Variants in TEKT5 observed in about 807,000 individuals in gnomAD.
TEKT5 encodes tektin-5.
A neutral mutation model predicts 48.7 loss-of-function variants in TEKT5; 52 were observed. That is an observed-to-expected ratio of 1.07 (90% CI 0.86 to 1.35). The LOEUF (loss-of-function observed/expected upper bound fraction) is 1.35. Ranked by LOEUF, TEKT5 falls within the 40% of genes most tolerant of loss-of-function variation. The pLI is 0.00. For missense variants in TEKT5, 831 were observed against 641.6 expected, an observed-to-expected ratio of 1.30 and a Z score of -3.19; for synonymous variants, 318 against 267.6, an observed-to-expected ratio of 1.19 and a Z score of -1.84.
chr16:10,649,640 T>A (rs1298209328), intron 5 of TEKT5, among the ~76,000 whole-genome samples: 2 of 151,970 alleles, frequency 1.3e-5, no homozygotes, highest in African/African-American at 4.8e-5. Context: ...CTCCCCAAGT[T>A]GCCCAGGCTA....
chr16:10,691,287 T>C lies in TEKT5; in HGVS notation c.565-1262A>G, dbSNP rs539762984. On this transcript the variant is annotated intron_variant, in intron 1 of 6. Transcript: ENST00000283025. Reference sequence around the variant, plus strand: ...AACTAATGAGCCAAAATCATGCCACTGCACTCCAGCCTGAGCAACAGACAA... The same window carrying C: ...AACTAATGAGCCAAAATCATGCCACCGCACTCCAGCCTGAGCAACAGACAA... The C allele has an allele frequency of 2.0e-5, 3 of 152,466 alleles. No homozygotes were observed. The South Asian group carries it at 6.2e-4, about 32-fold the overall frequency. The allele number at this position is 152,466 out of a possible 1,614,324, so 9.4% of individuals were successfully genotyped here. A position where few individuals can be genotyped will look rare whatever the true frequency, so the allele number is the denominator to read the frequency against.
intron 5 of TEKT5, among the ~76,000 whole-genome samples, chr16:10,666,050 C>T (rs530592792): frequency 6.6e-6 from 1 of 152,234 alleles, no homozygotes; most frequent in East Asian, 1.9e-4. Flanking sequence ...CCAGCCTGGC[C>T]AACATGGTGA....
chr16:10,682,519 G>T (rs1198864542), intron 3 of TEKT5, among the ~76,000 whole-genome samples: 2 of 152,100 alleles, frequency 1.3e-5, no homozygotes, highest in Non-Finnish European at 2.9e-5. Flanking sequence ...TTGTAGACAT[G>T]GTCTTGCTGT....
At chr16:10,692,692 T>A (rs2719733) in intron 1 of TEKT5, 19,646 of 152,208 alleles carry the variant, frequency 0.13, 1,393 homozygotes, top group African/African-American at 0.18. Context: ...CATTCCCTGA[T>A]AAAAAGCAAT....
chr16:10,694,916 G>A lies in TEKT5; in HGVS notation c.-43C>T. ...ACTCGGGCAAAACTCAGCTCAAGGA[G>A]CCAAAGGCATCACCAGGAAAGGTGA... On this transcript the variant is annotated 5_prime_UTR_variant, in exon 1 of 7. Transcript: ENST00000283025. The A allele has an allele frequency of 6.7e-7, 1 of 1,501,982 alleles. No individual in the cohort carries two copies. Among genetic ancestry groups the A allele is most frequent in the South Asian group, 1.3e-5 (1 of 74,548 alleles). The allele number at this position is 1,501,982 out of a possible 1,614,324, so 93.0% of individuals were successfully genotyped here.
At chr16:10,680,984 A>G (rs1898736621) in intron 4 of TEKT5, among the ~76,000 whole-genome samples, 1 of 150,336 alleles carries the variant, frequency 6.7e-6, no homozygotes. Context: ...CATTGTGCAC[A>G]TGTATCCTAA....
chr16:10,636,203 C>A (rs546466399), intron 5 of TEKT5, among the ~76,000 whole-genome samples: 1 of 151,976 alleles, frequency 6.6e-6, no homozygotes, highest in African/African-American at 2.4e-5. Context: ...GGTGAAACCC[C>A]GTCTCTACTA....
chr16:10,660,990 G>A (rs1056813364), intron 5 of TEKT5, among the ~76,000 whole-genome samples: 2 of 152,078 alleles, frequency 1.3e-5, no homozygotes, highest in Non-Finnish European at 1.5e-5. Flanking sequence ...GTGAGCCACC[G>A]CGCCCGGCTG....
intron 2 of TEKT5, 21 bp downstream of exon 2, chr16:10,689,921 C>T (rs751389604): frequency 6.2e-7 from 1 of 1,613,464 alleles, no homozygotes; most frequent in Non-Finnish European, 8.5e-7. Flanking sequence ...GGGGGCTGGG[C>T]AGAACCAGGA....
intron 5 of TEKT5, among the ~76,000 whole-genome samples, chr16:10,657,452 T>C (rs932526708): frequency 2.6e-5 from 4 of 152,028 alleles, no homozygotes; most frequent in African/African-American, 9.7e-5. Context: ...AACAACTGTA[T>C]TTAGGATAGG....
intron 5 of TEKT5, among the ~76,000 whole-genome samples, chr16:10,656,268 T>C (rs1898260357): frequency 6.6e-6 from 1 of 152,186 alleles, no homozygotes; most frequent in African/African-American, 2.4e-5. Flanking sequence ...TTTATTTTTA[T>C]TTTTTTGAGA....
intron 5 of TEKT5, among the ~76,000 whole-genome samples, chr16:10,641,460 G>A (rs945227497): frequency 6.6e-6 from 1 of 152,154 alleles, no homozygotes; most frequent in Non-Finnish European, 1.5e-5. Context: ...ACACTTAGGT[G>A]ATTATAAGCA....
chr16:10,632,989 G>A (rs781744414), intron 6 of TEKT5, among the ~76,000 whole-genome samples: 10 of 151,880 alleles, frequency 6.6e-5, no homozygotes, highest in Admixed American at 2.6e-4. Flanking sequence ...ACTGTTGAAC[G>A]GGAAACGGGA....
chr16:10,652,836 G>GAT (rs1898189581), intron 5 of TEKT5, among the ~76,000 whole-genome samples: 10 of 19,676 alleles, frequency 5.1e-4, no homozygotes, highest in African/African-American at 2.7e-3. Flanking sequence ...TACACAGGCA[G>GAT]ACACACACAC....
intron 5 of TEKT5, among the ~76,000 whole-genome samples, chr16:10,670,633 A>G (rs975881076): frequency 2.0e-5 from 3 of 152,190 alleles, no homozygotes; most frequent in Non-Finnish European, 4.4e-5. Flanking sequence ...TTAGAATAAC[A>G]CCATGTGAAA....
At chr16:10,663,031 C>T (rs991308196) in intron 5 of TEKT5, among the ~76,000 whole-genome samples, 1 of 152,178 alleles carries the variant, frequency 6.6e-6, no homozygotes, top group Non-Finnish European at 1.5e-5. Context: ...AGCAAATCTC[C>T]ACTCCATCCA....
chr16:10,662,436 G>A (rs1373434159), intron 5 of TEKT5, among the ~76,000 whole-genome samples: 1 of 152,150 alleles, frequency 6.6e-6, no homozygotes, highest in African/African-American at 2.4e-5. Context: ...GCCCCAGGTT[G>A]GGGAGAACAA....
Position 10,694,756 on chromosome 16 carries a change from A to T in TEKT5, c.118T>A (p.Tyr40Asn), listed in dbSNP as rs1171078212. The T allele has an allele frequency of 1.3e-5, 21 of 1,614,128 alleles. No individual in the cohort carries two copies. Among genetic ancestry groups the T allele is most frequent in the Non-Finnish European group, 1.6e-5 (19 of 1,179,992 alleles). Residue 40 changes from tyrosine to asparagine, a missense_variant, in exon 1 of 7, where the codon TAC becomes AAC. By Grantham distance (143) the Tyr-to-Asn change is moderately radical. Coordinates refer to ENST00000283025, the MANE Select transcript of TEKT5 (RefSeq NM_144674.2). ...TTGAGGTAGCGGTACCCGGGCAGGT[A>T]GTAGGGCTGATAGCATTCCTGGATC... ...PVIQECYQPY[Y>N]LPGYRYLNSW... is the part of the protein sequence containing the mutation.
Position 10,694,358 on chromosome 16 carries a change from G to C in TEKT5, c.516C>G (p.Val172=), listed in dbSNP as rs1173087963. The stretch of plus-strand genomic sequence containing the variant: ...TGGCCGCGCACTCCAGCCGCCTCTT[G>C]ACCGTCTCCAAGTTCTGGTTCTCAG... ...LLTENQNLET[V]KRRLECAANE... The change falls in exon 1 of 7, where the codon GTC becomes GTG. Residue 172 remains valine, a synonymous_variant. Coordinates refer to ENST00000283025, the MANE Select transcript of TEKT5 (RefSeq NM_144674.2). The C allele has an allele frequency of 6.2e-7, 1 of 1,613,154 alleles. No individual in the cohort carries two copies. The highest frequency in any genetic ancestry group is 8.5e-7 in the Non-Finnish European group (1 of 1,179,498).
Sources: allele counts gnomAD v4.1 joint callset (sites outside exome capture counted in the v4.1 genomes callset), GRCh38; gene constraint gnomAD v4.1.1; transcripts MANE v1.5; gene names NCBI Gene and HGNC (gene_info 2026-07-23, HGNC 2026-07-21).